The following PCDH15 variants were observed in gnomAD, a reference collection of about 807,000 sequenced individuals.
PCDH15 encodes the protein protocadherin-15.
Under a neutral mutation model 178.5 loss-of-function variants are expected in PCDH15, and 129 were observed. The ratio of observed to expected loss-of-function variants is 0.72; its 90% confidence interval spans 0.63 to 0.84. The LOEUF is 0.84. Ranked by LOEUF, PCDH15 falls within the 40% of genes least tolerant of loss-of-function variation. PCDH15 has a pLI of 0.00. For synonymous variants in PCDH15, 800 were observed against 732.0 expected, an observed-to-expected ratio of 1.09 and a Z score of -1.50; for missense variants, 2,230 against 2,099.9, an observed-to-expected ratio of 1.06 and a Z score of -1.21.
At chr10:54,591,732 CTT>C (rs2091901687) in intron 2 of PCDH15, among the ~76,000 whole-genome samples, 2 of 151,944 alleles carry the variant, frequency 1.3e-5, no homozygotes, top group Admixed American at 1.3e-4. Context: ...TAAAATGAAA[CTT>C]AGAATTTTTC....
rs1296810597 is a variant in PCDH15 at position 54,043,387 on chromosome 10, C to CTT, written c.2221-20192_2221-20191dup. On this transcript the variant is annotated intron_variant, in intron 18 of 37. Coordinates refer to ENST00000644397, the MANE Select transcript of PCDH15 (RefSeq NM_001384140.1). ...ATTACAACCTGCTCTCTCTCTCTCT[C>CTT]TTTCTCTTTCTTTCTTTTTTTTCGA... 4.0e-5 allele frequency among the ~76,000 whole-genome samples: 6 copies of CTT among 150,930 alleles called. No homozygotes were observed. The South Asian group carries it at 1.3e-3, about 31-fold the overall frequency.
intron 11 of PCDH15, among the ~76,000 whole-genome samples, chr10:54,194,652 CTATCTAT>C (rs2049396113): frequency 1.5e-5 from 1 of 65,342 alleles, no homozygotes; most frequent in African/African-American, 6.7e-5. Flanking sequence ...GTATATATCT[CTATCTAT>C]CTATCTATCT....
intron 13 of PCDH15, among the ~76,000 whole-genome samples, chr10:54,178,752 G>A (rs2047686120): frequency 6.6e-6 from 1 of 152,046 alleles, no homozygotes; most frequent in African/African-American, 2.4e-5. Context: ...CAAAAAGTGG[G>A]CAAAGAACAT....
chr10:54,146,965 G>GTGTA (rs1346698354), intron 14 of PCDH15, among the ~76,000 whole-genome samples: 24 of 135,128 alleles, frequency 1.8e-4, no homozygotes, highest in African/African-American at 5.8e-4. Flanking sequence ...TATATATAAT[G>GTGTA]TATATATATA....
At chr10:53,821,078 CAATGA>C in intron 32 of PCDH15, 1 of 967,640 alleles carries the variant, frequency 1.0e-6, no homozygotes, top group South Asian at 4.8e-5. Context: ...TCTGTTGGAA[CAATGA>C]AATGCCTTAC....
chr10:54,660,033 A>G (rs2094467035), intron 2 of PCDH15, among the ~76,000 whole-genome samples: 1 of 152,114 alleles, frequency 6.6e-6, no homozygotes. Context: ...AACTAGGAAC[A>G]TAAGAACAAA....
intron 20 of PCDH15, among the ~76,000 whole-genome samples, chr10:53,998,717 G>A (rs2091973933): frequency 6.6e-6 from 1 of 152,156 alleles, no homozygotes; most frequent in East Asian, 1.9e-4. Context: ...TAGAAGATAA[G>A]TAGAAAGTTC....
intron 25 of PCDH15, among the ~76,000 whole-genome samples, chr10:53,932,458 T>A (rs1056796940): frequency 6.6e-6 from 1 of 152,194 alleles, no homozygotes; most frequent in Admixed American, 6.5e-5. Context: ...TCTACATTTA[T>A]CTGATATGTC....
intron 1 of PCDH15, among the ~76,000 whole-genome samples, chr10:55,230,328 A>C (rs1204824162): frequency 2.0e-5 from 3 of 152,098 alleles, no homozygotes. Context: ...ACAGTGACAT[A>C]CATATATTAA....
In PCDH15 at chr10:55,334,315, T is replaced by TATA. The variant is rs1388100832; in HGVS notation, c.-155-167665_-155-167664insTAT. On this transcript the variant is annotated intron_variant, in intron 2 of 5. Transcript: ENST00000613346. ...GTATATATCTATATATATATATATA[T>TATA]TTTTTTTTTGAGACAGAGTTTCGCT... 1.2e-4 allele frequency among the ~76,000 whole-genome samples: 15 copies of TATA among 124,042 alleles called. No individual in the cohort carries two copies. In the South Asian group the frequency reaches 4.0e-3, roughly 33 times the overall value. The allele number at this position is 124,042 out of a possible 152,430, so 81.4% of individuals were successfully genotyped here. A position where few individuals can be genotyped will look rare whatever the true frequency, so the allele number is the denominator to read the frequency against.
chr10:54,132,991 C>T lies in PCDH15; in HGVS notation c.1801G>A (p.Val601Met). The T allele has an allele frequency of 1.2e-6, 2 of 1,614,022 alleles. No individual in the cohort carries two copies. The highest frequency in any genetic ancestry group is 1.7e-6 in the Non-Finnish European group (2 of 1,179,936). ...TTTGGTGGAAGCACTTCAATATACACAGTGCAGATGGAGTTCCTGCAGAGA... is the reference window on the plus strand; with the variant it reads ...TTTGGTGGAAGCACTTCAATATACATAGTGCAGATGGAGTTCCTGCAGAGA... ...PAERRNSICT[V>M]YIEVLPPNNQ... The change falls in exon 15 of 38, where the codon GTG (valine) becomes ATG (methionine). Residue 601 changes from valine (V) to methionine (M), a missense_variant. By Grantham distance (21) the Val-to-Met change is conservative. Coordinates refer to ENST00000644397, the MANE Select transcript of PCDH15 (RefSeq NM_001384140.1).
intron 15 of PCDH15, among the ~76,000 whole-genome samples, chr10:54,130,913 T>C (rs1224055230): frequency 3.3e-5 from 5 of 152,154 alleles, no homozygotes; most frequent in African/African-American, 7.2e-5. Context: ...GTAGTCTCAG[T>C]TGATCATGAA....
chr10:55,070,222 G>T (rs996389713), intron 2 of PCDH15, among the ~76,000 whole-genome samples: 1 of 152,150 alleles, frequency 6.6e-6, no homozygotes, highest in African/African-American at 2.4e-5. Flanking sequence ...CTTCCATTCT[G>T]TAGGTTACCT....
intron 2 of PCDH15, among the ~76,000 whole-genome samples, chr10:55,403,272 G>A (rs1001610543): frequency 6.6e-6 from 1 of 151,546 alleles, no homozygotes; most frequent in Non-Finnish European, 1.5e-5. Context: ...CCAGGTGTCA[G>A]TACCTTGTCA....
intron 2 of PCDH15, among the ~76,000 whole-genome samples, chr10:55,584,549 T>C (rs1589156336): frequency 6.7e-6 from 1 of 148,438 alleles, no homozygotes; most frequent in African/African-American, 2.5e-5. Flanking sequence ...CCCAGCTACT[T>C]GGGAGGCTGA....
chr10:54,341,972 C>T (rs1406442672), intron 6 of PCDH15, among the ~76,000 whole-genome samples: 1 of 152,164 alleles, frequency 6.6e-6, no homozygotes, highest in Non-Finnish European at 1.5e-5. Flanking sequence ...TGAAAGCATA[C>T]AGTCATAGGC....
At chr10:53,890,723 G>GA (rs1220567783) in intron 26 of PCDH15, among the ~76,000 whole-genome samples, 1 of 152,062 alleles carries the variant, frequency 6.6e-6, no homozygotes, top group African/African-American at 2.4e-5. Context: ...TTGTTCACTA[G>GA]AATGCATTTT....
At chr10:54,303,258 T>C (rs2060251791) in intron 8 of PCDH15, among the ~76,000 whole-genome samples, 1 of 152,062 alleles carries the variant, frequency 6.6e-6, no homozygotes, top group South Asian at 2.1e-4. Flanking sequence ...TGTATGCATT[T>C]TTTTTTCTAA....
Position 53,807,014 on chromosome 10 carries a change from G to A in PCDH15, c.4788C>T (p.His1596=). 6.2e-7 allele frequency: 1 copy of A among 1,613,720 alleles called. No individual in the cohort carries two copies. The highest frequency in any genetic ancestry group is 1.7e-5 in the Admixed American group (1 of 59,940). ...TATATATATTGCCGTTGATATTACT[G>A]TGGATACTAGGATGGTGAAGACGGT... ...QRNRLHHPSI[H]SNINGNIYIA... The change falls in exon 38 of 38, where the codon CAC becomes CAT. Residue 1596 remains histidine, a synonymous_variant. Coordinates refer to ENST00000644397, the MANE Select transcript of PCDH15 (RefSeq NM_001384140.1).
Sources: allele counts gnomAD v4.1 joint callset (sites outside exome capture counted in the v4.1 genomes callset), GRCh38; gene constraint gnomAD v4.1.1; transcripts MANE v1.5; gene names NCBI Gene and HGNC (gene_info 2026-07-23, HGNC 2026-07-21).